The following NUP93 variants were observed in gnomAD, a reference collection of about 807,000 sequenced individuals.
NUP93 encodes the protein nuclear pore complex protein Nup93.
Under a neutral mutation model 107.8 loss-of-function variants are expected in NUP93, and 55 were observed. The observed-to-expected ratio is 0.51, with a 90% CI of 0.41 to 0.64. The LOEUF is 0.64. Among genes scored for constraint, NUP93 ranks in the 30% least tolerant of loss-of-function variants. The pLI is 0.00. For missense variants in NUP93, 937 were observed against 1,044.7 expected (o/e 0.90, Z 1.42); for synonymous variants, 390 against 397.5 (o/e 0.98, Z 0.22).
At position 56,775,945 on chromosome 16, in the gene NUP93, T is replaced by G. The variant is rs148621248; in HGVS notation, c.297+17290T>G. Among the ~76,000 whole-genome samples the G allele has an allele frequency of 1.6e-3, 241 of 152,328 alleles. 8 individuals carry two copies. The East Asian group carries it at 0.043, about 27-fold the overall frequency. On this transcript the variant is annotated intron_variant, in intron 3 of 21. Transcript: ENST00000308159. ...ACCCACAGGTCATCACCATAGTTGC[T>G]GTTTCAAATTCATTTTACTGTCATT...
chr16:56,738,819 C>G (rs1961653827), intron 1 of NUP93, among the ~76,000 whole-genome samples: 1 of 151,878 alleles, frequency 6.6e-6, no homozygotes, highest in Non-Finnish European at 1.5e-5. Context: ...TCTCATCAAT[C>G]TTGGATGAGA....
At chr16:56,805,071 G>A (rs965530438) in intron 4 of NUP93, among the ~76,000 whole-genome samples, 3 of 151,760 alleles carry the variant, frequency 2.0e-5, no homozygotes, top group African/African-American at 7.3e-5. Context: ...AGTTTTTTTT[G>A]TTTTGGGACA....
intron 1 of NUP93, among the ~76,000 whole-genome samples, chr16:56,735,346 T>G (rs1332879786): frequency 6.6e-6 from 1 of 151,956 alleles, no homozygotes; most frequent in Admixed American, 6.5e-5. Flanking sequence ...AGGGCTGCAG[T>G]GGAAGGTTGG....
chr16:56,754,938 T>C (rs1195231641), intron 2 of NUP93, among the ~76,000 whole-genome samples: 11 of 152,192 alleles, frequency 7.2e-5, no homozygotes, highest in African/African-American at 2.7e-4. Flanking sequence ...CTATAATAGC[T>C]TTAAACAAGT....
At chr16:56,831,764 G>C in intron 10 of NUP93, 78 bp from the exon 11 acceptor site, 1 of 1,449,218 alleles carries the variant, frequency 6.9e-7, no homozygotes, top group Non-Finnish European at 9.5e-7. Context: ...TATGTGTTTG[G>C]GACCTGGGAC....
At position 56,738,827 on chromosome 16, in the gene NUP93, A is replaced by AG. The variant is rs1961653895; in HGVS notation, c.-15+8617dup. ...AGGTTTTTCTCATCAATCTTGGATG[A>AG]GAAAAGAAAGAATCATTCACAAGAA... On this transcript the variant is annotated intron_variant, in intron 1 of 21. Coordinates refer to ENST00000308159, the MANE Select transcript of NUP93 (RefSeq NM_014669.5). Among the ~76,000 whole-genome samples the AG allele has an allele frequency of 2.0e-5, 3 of 152,252 alleles. No homozygotes were observed. In the South Asian group the frequency reaches 6.2e-4, roughly 32 times the overall value.
At chr16:56,815,514 C>T (rs534497058) in intron 5 of NUP93, among the ~76,000 whole-genome samples, 3 of 152,248 alleles carry the variant, frequency 2.0e-5, no homozygotes, top group African/African-American at 7.2e-5. Flanking sequence ...AAGTGAAATA[C>T]TTTAGGTCAT....
chr16:56,779,808 G>C (rs1297326419), intron 3 of NUP93, among the ~76,000 whole-genome samples: 1 of 152,140 alleles, frequency 6.6e-6, no homozygotes, highest in Non-Finnish European at 1.5e-5. Flanking sequence ...ACAGTGACTT[G>C]GTGAAGTTTT....
Position 56,846,952 on chromosome 16 carries a change from C to T in NUP93, c.*2343C>T, listed in dbSNP as rs1027998119. The T allele has an allele frequency of 1.1e-4, 16 of 152,150 alleles. No homozygotes were observed. Among genetic ancestry groups the T allele is most frequent in the Admixed American group, 9.8e-4 (15 of 15,280 alleles). The allele number at this position is 152,150 out of a possible 1,614,324, so 9.4% of individuals were successfully genotyped here. The stretch of plus-strand genomic sequence containing the variant: ...GTCTCAGAGAGAACTGCACACCAGC[C>T]CTGCATCCAGGGGATGAGGTTCTTT... On this transcript the variant is annotated 3_prime_UTR_variant, in exon 22 of 22. Transcript: ENST00000308159.
intron 3 of NUP93, among the ~76,000 whole-genome samples, chr16:56,776,403 GTCTTT>G (rs1291953617): frequency 6.6e-6 from 1 of 152,064 alleles, no homozygotes; most frequent in Non-Finnish European, 1.5e-5. Context: ...AGGTTTTAGT[GTCTTT>G]TCTTTAACAT....
intron 3 of NUP93, among the ~76,000 whole-genome samples, chr16:56,759,834 G>T (rs1962091488): frequency 6.6e-6 from 1 of 151,998 alleles, no homozygotes; most frequent in African/African-American, 2.4e-5. Context: ...TGCTGAAAGG[G>T]TTTTTGTTCG....
intron 3 of NUP93, among the ~76,000 whole-genome samples, chr16:56,761,808 CT>C (rs1461640423): frequency 2.8e-4 from 43 of 152,228 alleles, no homozygotes; most frequent in African/African-American, 9.9e-4. Flanking sequence ...CCTTCTGCTT[CT>C]AATGGAGCTT....
chr16:56,816,970 C>T (rs116689793), intron 5 of NUP93, among the ~76,000 whole-genome samples: 1 of 152,070 alleles, frequency 6.6e-6, no homozygotes, highest in Non-Finnish European at 1.5e-5. Flanking sequence ...AAAGTAATGG[C>T]AAAACCTGCA....
chr16:56,832,225 A>C, intron 11 of NUP93, 70 bp from the exon 12 acceptor site: 1 of 1,367,270 alleles, frequency 7.3e-7, no homozygotes, highest in East Asian at 2.3e-5. Flanking sequence ...GCTGCTGAAC[A>C]GCTACAACTC....
At chr16:56,759,559 TTGC>T (rs1351538893) in intron 3 of NUP93, among the ~76,000 whole-genome samples, 2 of 152,222 alleles carry the variant, frequency 1.3e-5, no homozygotes, top group Non-Finnish European at 2.9e-5. Context: ...ATTTTTCCTA[TTGC>T]TGCTATGTTC....
At chr16:56,741,717 T>C (rs1444724507) in intron 1 of NUP93, 1 of 152,250 alleles carries the variant, frequency 6.6e-6, no homozygotes, top group African/African-American at 2.4e-5. Flanking sequence ...CTCTGATGTA[T>C]ATAAAATCTC....
At position 56,821,561 on chromosome 16, in the gene NUP93, CT is replaced by C; in HGVS notation, c.625del (p.Cys209ValfsTer19). 1 of 1,613,204 alleles carries C rather than the reference CT, an allele frequency of 6.2e-7. No individual in the cohort carries two copies. Among genetic ancestry groups the C allele is most frequent in the Non-Finnish European group, 8.5e-7 (1 of 1,179,364 alleles). On this transcript the variant is annotated frameshift_variant, in exon 7 of 22. Transcript: ENST00000308159. LOFTEE classifies it high-confidence loss of function. ...NGHLQPNLVD[L>X]CASVAELDDK... ...ACACCTGCAGCCTAACCTGGTGGACCTTTGTGCTTCCGTCGCAGAGCTCGAT... is the reference window on the plus strand; with the variant it reads ...ACACCTGCAGCCTAACCTGGTGGACCTTGTGCTTCCGTCGCAGAGCTCGAT...
chr16:56,831,742 C>A, intron 10 of NUP93, 100 bp from the exon 11 acceptor site: 1 of 1,229,538 alleles, frequency 8.1e-7, no homozygotes, highest in Non-Finnish European at 1.1e-6. Context: ...TGAAGGAAGG[C>A]TTCCCTGCTT....
chr16:56,790,095 C>CACAAAACAAA (rs1174311395), intron 3 of NUP93, among the ~76,000 whole-genome samples: 1 of 89,190 alleles, frequency 1.1e-5, no homozygotes, highest in African/African-American at 4.4e-5. Flanking sequence ...AAAACTCCAT[C>CACAAAACAAA]TCAAAACAAA....
Sources: gnomAD v4.1 joint callset for allele counts (sites outside exome capture counted in the v4.1 genomes callset) on GRCh38, gnomAD v4.1.1 for gene constraint, MANE v1.5 for transcripts, NCBI Gene and HGNC (gene_info 2026-07-23, HGNC 2026-07-21) for gene names.